The following PTGER4 variants were observed in gnomAD, a reference collection of about 807,000 sequenced individuals.
PTGER4 encodes the protein prostaglandin E receptor 4.
PTGER4 carries 11 observed loss-of-function variants against 33.2 expected under a neutral mutation model. The ratio of observed to expected loss-of-function variants is 0.33; its 90% CI spans 0.21 to 0.55. The LOEUF is 0.55. Among genes scored for constraint, PTGER4 ranks in the 20% least tolerant of loss-of-function variants. The probability of loss-of-function intolerance (pLI) is 0.92; values close to 1 mark genes in which losing one functional copy is unlikely to be tolerated. For synonymous variants in PTGER4, 275 were observed against 281.5 expected, an observed-to-expected ratio of 0.98 and a Z score of 0.23; for missense variants, 481 against 650.2, an observed-to-expected ratio of 0.74 and a Z score of 2.83.
downstream of PTGER4, among the ~76,000 whole-genome samples, chr5:40,695,199 C>G (rs1054435453): frequency 8.5e-5 from 13 of 152,084 alleles, no homozygotes; most frequent in African/African-American, 3.1e-4. Context: ...CACTTGAGGT[C>G]AAGAGTTCGA....
At chr5:40,727,258 T>C in the PTGER4 span, among the ~76,000 whole-genome samples, 2 of 152,214 alleles carry the variant, frequency 1.3e-5, no homozygotes, top group Non-Finnish European at 2.9e-5. Flanking sequence ...TGTTTTATTT[T>C]GAACTGTAAA....
At chr5:40,724,918 T>C in the PTGER4 span, among the ~76,000 whole-genome samples, 20 of 151,094 alleles carry the variant, frequency 1.3e-4, no homozygotes, top group East Asian at 2.8e-3. Context: ...AGTGGTGCGA[T>C]CTCAGCTCAC....
At chr5:40,682,641 G>A (rs1398836867) in intron 2 of PTGER4, among the ~76,000 whole-genome samples, 1 of 152,186 alleles carries the variant, frequency 6.6e-6, no homozygotes, top group Non-Finnish European at 1.5e-5. Context: ...TGGACAGGCT[G>A]ATATACATAG....
chr5:40,738,195 T>C, the PTGER4 span, among the ~76,000 whole-genome samples: 3 of 152,064 alleles, frequency 2.0e-5, no homozygotes, highest in Non-Finnish European at 4.4e-5. Flanking sequence ...GCAGATAACC[T>C]GAGGTCAGGA....
At chr5:40,699,869 TTCACACTTCATGGTGAAA>T in the PTGER4 span, among the ~76,000 whole-genome samples, 3 of 152,286 alleles carry the variant, frequency 2.0e-5, no homozygotes, top group East Asian at 3.9e-4. Context: ...TACATCAATC[TTCACACTTCATGGTGAAA>T]GACTAAAAAG....
the PTGER4 span, among the ~76,000 whole-genome samples, chr5:40,704,200 C>T: frequency 1.3e-5 from 2 of 152,042 alleles, no homozygotes; most frequent in Admixed American, 6.6e-5. Flanking sequence ...AATCAATAAA[C>T]GTGATTCATC....
chr5:40,737,600 A>G, the PTGER4 span, among the ~76,000 whole-genome samples: 1,626 of 152,334 alleles, frequency 0.011, 22 homozygotes, highest in African/African-American at 0.037. Context: ...TGTGATTTAT[A>G]TATCAAAAAA....
At chr5:40,746,505 T>C in the PTGER4 span, among the ~76,000 whole-genome samples, 1 of 152,192 alleles carries the variant, frequency 6.6e-6, no homozygotes, top group Non-Finnish European at 1.5e-5. Flanking sequence ...TCACTTGAAT[T>C]ACATTTTACT....
At chr5:40,716,492 G>T in the PTGER4 span, 3 of 1,583,022 alleles carry the variant, frequency 1.9e-6, no homozygotes, top group South Asian at 1.2e-5. Context: ...TGAAAACTTC[G>T]AATTGCCTAG....
intron 2 of PTGER4, among the ~76,000 whole-genome samples, chr5:40,688,189 A>G (rs1253932322): frequency 6.6e-6 from 1 of 152,218 alleles, no homozygotes; most frequent in Non-Finnish European, 1.5e-5. Flanking sequence ...GCAACCAGCA[A>G]TAAAACATTT....
At chr5:40,707,612 G>A in the PTGER4 span, among the ~76,000 whole-genome samples, 1 of 152,064 alleles carries the variant, frequency 6.6e-6, no homozygotes, top group Non-Finnish European at 1.5e-5. Context: ...GTCAACATTA[G>A]ACAGATCCAC....
chr5:40,722,835 C>G, the PTGER4 span, among the ~76,000 whole-genome samples: 2 of 151,382 alleles, frequency 1.3e-5, no homozygotes, highest in African/African-American at 4.8e-5. Context: ...AGCCCCCACC[C>G]GGCCAGCTGC....
the PTGER4 span, among the ~76,000 whole-genome samples, chr5:40,741,057 T>TAAA: frequency 6.6e-6 from 1 of 152,226 alleles, no homozygotes; most frequent in Non-Finnish European, 1.5e-5. Flanking sequence ...TATTTCTGAA[T>TAAA]GTTTCTATTG....
chr5:40,697,089 AGAAAGAG>A, downstream of PTGER4, among the ~76,000 whole-genome samples: 28 of 76,254 alleles, frequency 3.7e-4, no homozygotes, highest in East Asian at 7.3e-4. Context: ...AAGGAAGGAA[AGAAAGAG>A]AAAAGAAAGA....
the PTGER4 span, among the ~76,000 whole-genome samples, chr5:40,706,341 CA>C: frequency 4.0e-5 from 6 of 151,870 alleles, no homozygotes; most frequent in Admixed American, 3.9e-4. Context: ...GGGAGGGTGG[CA>C]GGGGGGAGAA....
chr5:40,697,601 A>AC (rs1741643163), downstream of PTGER4, among the ~76,000 whole-genome samples: 1 of 150,818 alleles, frequency 6.6e-6, no homozygotes, highest in African/African-American at 2.4e-5. Context: ...AAACAAAAAA[A>AC]CAAAGAAAAA....
the PTGER4 span, among the ~76,000 whole-genome samples, chr5:40,730,954 C>T: frequency 6.6e-6 from 1 of 151,906 alleles, no homozygotes; most frequent in Non-Finnish European, 1.5e-5. Context: ...TACTGTGGTG[C>T]CATCATCTAC....
the PTGER4 span, among the ~76,000 whole-genome samples, chr5:40,701,302 C>G: frequency 6.6e-6 from 1 of 152,138 alleles, no homozygotes; most frequent in Non-Finnish European, 1.5e-5. Context: ...GATACAGGAG[C>G]TGAAGGATGA....
the PTGER4 span, among the ~76,000 whole-genome samples, chr5:40,710,979 T>C: frequency 6.6e-6 from 1 of 152,052 alleles, no homozygotes; most frequent in East Asian, 1.9e-4. Context: ...CTAATGTAAA[T>C]GATGAGTTAA....
Sources: allele counts gnomAD v4.1 joint callset (sites outside exome capture counted in the v4.1 genomes callset), GRCh38; gene constraint gnomAD v4.1.1; transcripts MANE v1.5; gene names NCBI Gene and HGNC (gene_info 2026-07-23, HGNC 2026-07-21).